Variants in SOX5 observed in about 807,000 individuals in gnomAD.
SOX5 encodes transcription factor SOX-5.
SOX5 carries 9 observed loss-of-function variants against 92.0 expected under a neutral mutation model. That is an observed-to-expected ratio of 0.10 (90% CI 0.06 to 0.17). The LOEUF is 0.17. Ranked by LOEUF, SOX5 falls within the 10% of genes least tolerant of loss-of-function variation. The pLI is 1.00. For synonymous variants in SOX5, 344 were observed against 336.3 expected (o/e 1.02, Z -0.25); for missense variants, 642 against 944.5 (o/e 0.68, Z 4.20).
At chr12:24,185,842 G>A (rs947745610) in intron 4 of SOX5, among the ~76,000 whole-genome samples, 75 of 152,134 alleles carry the variant, frequency 4.9e-4, no homozygotes, top group African/African-American at 1.6e-3. Context: ...CTCCACACAG[G>A]GTCTGCAACA....
At chr12:24,043,752 T>C (rs1956740047) in intron 4 of SOX5, among the ~76,000 whole-genome samples, 1 of 152,220 alleles carries the variant, frequency 6.6e-6, no homozygotes, top group African/African-American at 2.4e-5. Flanking sequence ...CTCATAAAAT[T>C]GTAAATATAA....
intron 2 of SOX5, among the ~76,000 whole-genome samples, chr12:24,340,609 C>A (rs78600804): frequency 0.024 from 3,582 of 152,310 alleles, 65 homozygotes; most frequent in Middle Eastern, 0.071. Context: ...GTGATTTGAG[C>A]ACATCCTTTC....
chr12:23,950,891 T>C (rs1358907438), upstream of SOX5: 4 of 1,534,928 alleles, frequency 2.6e-6, no homozygotes, highest in Non-Finnish European at 3.5e-6. Flanking sequence ...GCAGAGATGG[T>C]GGCTGCCCCG....
intron 3 of SOX5, among the ~76,000 whole-genome samples, chr12:23,791,496 T>C (rs901793185): frequency 2.6e-5 from 4 of 152,212 alleles, no homozygotes; most frequent in Non-Finnish European, 5.9e-5. Flanking sequence ...TAATTGTGTT[T>C]CAGAGCATTT....
intron 2 of SOX5, among the ~76,000 whole-genome samples, chr12:24,315,795 T>C (rs1373195930): frequency 2.0e-5 from 3 of 152,240 alleles, no homozygotes; most frequent in African/African-American, 7.2e-5. Context: ...TTGTTGTAAC[T>C]TTCTAGCACG....
chr12:23,928,693 C>G (rs1940661727), intron 1 of SOX5, among the ~76,000 whole-genome samples: 1 of 151,762 alleles, frequency 6.6e-6, no homozygotes, highest in East Asian at 1.9e-4. Flanking sequence ...ATGTTGCTTG[C>G]TCTTAGAGTA....
At chr12:23,545,006 C>G (rs1942835375) in intron 12 of SOX5, among the ~76,000 whole-genome samples, 1 of 152,142 alleles carries the variant, frequency 6.6e-6, no homozygotes, top group Non-Finnish European at 1.5e-5. Context: ...CTAAGTGGAG[C>G]TGAAAATAGA....
chr12:24,151,864 A>AAAAC (rs1951691505), intron 4 of SOX5, among the ~76,000 whole-genome samples: 1 of 152,026 alleles, frequency 6.6e-6, no homozygotes, highest in South Asian at 2.1e-4. Flanking sequence ...AAGAAGTAAA[A>AAAAC]AAATAAATAA....
At chr12:23,943,267 A>T (rs1036537169) in intron 1 of SOX5, among the ~76,000 whole-genome samples, 2 of 152,056 alleles carry the variant, frequency 1.3e-5, no homozygotes, top group Non-Finnish European at 2.9e-5. Flanking sequence ...GAGAAAAAAA[A>T]AAAATCTCTT....
chr12:24,068,704 G>A (rs866232337), intron 4 of SOX5, among the ~76,000 whole-genome samples: 11 of 74,316 alleles, frequency 1.5e-4, no homozygotes, highest in African/African-American at 2.8e-4. Context: ...GTGTGTGTGT[G>A]TATATATATA....
chr12:23,710,652 TG>T (rs1593521980), intron 6 of SOX5, among the ~76,000 whole-genome samples: 1 of 152,346 alleles, frequency 6.6e-6, no homozygotes, highest in East Asian at 1.9e-4. Flanking sequence ...GTTGGACATT[TG>T]GGTTGGTTCC....
chr12:24,095,250 GA>G (rs1288886644), intron 4 of SOX5, among the ~76,000 whole-genome samples: 2 of 150,952 alleles, frequency 1.3e-5, no homozygotes, highest in Non-Finnish European at 3.0e-5. Context: ...CAAGAGAAAG[GA>G]AAAAGAAGTA....
chr12:23,933,056 T>C (rs992211327), intron 1 of SOX5, among the ~76,000 whole-genome samples: 1 of 151,724 alleles, frequency 6.6e-6, no homozygotes, highest in Admixed American at 6.6e-5. Context: ...TCCTGCCAGA[T>C]GACTTGTATT....
intron 4 of SOX5, among the ~76,000 whole-genome samples, chr12:23,741,748 C>A (rs1014943084): frequency 1.3e-5 from 2 of 152,180 alleles, no homozygotes; most frequent in Middle Eastern, 6.8e-3. Context: ...ACAAATATAG[C>A]AATTGTGAGA....
intron 8 of SOX5, among the ~76,000 whole-genome samples, chr12:23,617,597 G>C (rs898347303): frequency 3.3e-5 from 5 of 152,104 alleles, no homozygotes; most frequent in African/African-American, 1.2e-4. Flanking sequence ...TGTGAAGACA[G>C]CATCCTGCTA....
intron 4 of SOX5, among the ~76,000 whole-genome samples, chr12:24,025,561 G>A (rs973111983): frequency 6.6e-6 from 1 of 151,946 alleles, no homozygotes; most frequent in East Asian, 1.9e-4. Context: ...AATATTCACA[G>A]AAGAATGGAT....
chr12:23,564,857 A>G (rs536970564), intron 10 of SOX5, among the ~76,000 whole-genome samples: 2 of 152,326 alleles, frequency 1.3e-5, no homozygotes, highest in South Asian at 4.1e-4. Flanking sequence ...TTGCCAAAAA[A>G]CATAGAATAT....
chr12:24,541,625 T>G (rs1484328834), intron 1 of SOX5, among the ~76,000 whole-genome samples: 1 of 152,242 alleles, frequency 6.6e-6, no homozygotes, highest in Non-Finnish European at 1.5e-5. Context: ...GTTTCATGGT[T>G]AATTTTTAGA....
chr12:23,846,251 C>CA (rs2096573928), intron 2 of SOX5, 58 bp from the exon 3 acceptor site: 1 of 1,289,670 alleles, frequency 7.8e-7, no homozygotes, highest in African/African-American at 1.5e-5. Context: ...AGCAAAAGGA[C>CA]AAATAATTGT....
Sources: gnomAD v4.1 joint callset for allele counts (sites outside exome capture counted in the v4.1 genomes callset) on GRCh38, gnomAD v4.1.1 for gene constraint, MANE v1.5 for transcripts, NCBI Gene and HGNC (gene_info 2026-07-23, HGNC 2026-07-21) for gene names.